Variants in PPM1L observed in about 807,000 individuals in gnomAD.
PPM1L encodes the protein protein phosphatase, Mg2+/Mn2+ dependent 1L.
In PPM1L, 13 loss-of-function variants were observed where a neutral mutation model predicts 31.4. The ratio of observed to expected loss-of-function variants is 0.41; its 90% CI spans 0.27 to 0.66. The LOEUF (loss-of-function observed/expected upper bound fraction) is 0.66. PPM1L is among the 30% of genes least tolerant of loss of function. PPM1L has a pLI of 0.29. For synonymous variants in PPM1L, 184 were observed against 175.4 expected, an observed-to-expected ratio of 1.05 and a Z score of -0.39; for missense variants, 326 against 453.7, an observed-to-expected ratio of 0.72 and a Z score of 2.56.
rs943563716 is a variant in PPM1L, at chr3:160,811,525, T to C, written c.399+54818T>C. 1.6e-4 allele frequency among the ~76,000 whole-genome samples: 24 copies of C among 152,234 alleles called. 1 individual carries two copies. Among genetic ancestry groups the C allele is most frequent in the Non-Finnish European group, 8.8e-5 (6 of 68,044 alleles). ...TATGTGACTCAAAAAGCCTAAAATATTCTCTATCTGGCTCTTTACAGAAAA... is the reference window on the plus strand; with the variant it reads ...TATGTGACTCAAAAAGCCTAAAATACTCTCTATCTGGCTCTTTACAGAAAA... On this transcript the variant is annotated intron_variant, in intron 1 of 3. Coordinates refer to ENST00000498165, the MANE Select transcript of PPM1L (RefSeq NM_139245.4).
chr3:160,787,869 T>A (rs913110392), intron 1 of PPM1L, among the ~76,000 whole-genome samples: 2 of 152,092 alleles, frequency 1.3e-5, no homozygotes, highest in African/African-American at 4.8e-5. Context: ...AATAGGAAAA[T>A]TGAATTTTCC....
chr3:161,034,330 TC>T (rs1718672292), intron 2 of PPM1L, among the ~76,000 whole-genome samples: 1 of 152,090 alleles, frequency 6.6e-6, no homozygotes, highest in Non-Finnish European at 1.5e-5. Context: ...GACCCAGCAA[TC>T]CCATTACTGT....
At chr3:160,809,832 G>A (rs1383712649) in intron 1 of PPM1L, among the ~76,000 whole-genome samples, 2 of 151,998 alleles carry the variant, frequency 1.3e-5, no homozygotes, top group South Asian at 2.1e-4. Flanking sequence ...GAAGCCTGGT[G>A]GAATGAAAAA....
At chr3:160,907,834 G>A (rs1028743786) in intron 1 of PPM1L, among the ~76,000 whole-genome samples, 1 of 152,130 alleles carries the variant, frequency 6.6e-6, no homozygotes, top group African/African-American at 2.4e-5. Context: ...GAATGCAGCC[G>A]CTGCTTGTGG....
intron 1 of PPM1L, among the ~76,000 whole-genome samples, chr3:160,938,323 G>A (rs892473849): frequency 9.9e-5 from 15 of 152,214 alleles, no homozygotes; most frequent in African/African-American, 3.4e-4. Flanking sequence ...AGAAACTTCC[G>A]TTTCAATGAT....
At chr3:160,797,882 G>A (rs374048747) in intron 1 of PPM1L, among the ~76,000 whole-genome samples, 1 of 152,162 alleles carries the variant, frequency 6.6e-6, no homozygotes, top group African/African-American at 2.4e-5. Flanking sequence ...TCTCTACAAC[G>A]TGAAAGTGCA....
chr3:160,851,127 A>T (rs1478575957), intron 1 of PPM1L, among the ~76,000 whole-genome samples: 2 of 152,302 alleles, frequency 1.3e-5, no homozygotes, highest in East Asian at 3.9e-4. Flanking sequence ...GTTAAATTTC[A>T]CTTACCTTAT....
chr3:160,881,571 G>A (rs151225196), intron 1 of PPM1L, among the ~76,000 whole-genome samples: 58 of 152,154 alleles, frequency 3.8e-4, no homozygotes, highest in African/African-American at 1.3e-3. Flanking sequence ...TCCAGTTTTC[G>A]TTATTTTAGC....
At chr3:161,027,920 T>C (rs947766462) in intron 2 of PPM1L, among the ~76,000 whole-genome samples, 3 of 152,182 alleles carry the variant, frequency 2.0e-5, no homozygotes, top group African/African-American at 7.2e-5. Flanking sequence ...ATGGCCTAGG[T>C]ACTGAACATT....
intron 2 of PPM1L, among the ~76,000 whole-genome samples, chr3:160,976,975 A>G (rs1288284431): frequency 6.6e-6 from 1 of 151,964 alleles, no homozygotes; most frequent in Non-Finnish European, 1.5e-5. Flanking sequence ...TAGGGTGTCA[A>G]TTTTGGATCT....
chr3:160,886,264 T>G (rs1712913144), intron 1 of PPM1L, among the ~76,000 whole-genome samples: 1 of 152,154 alleles, frequency 6.6e-6, no homozygotes, highest in Non-Finnish European at 1.5e-5. Context: ...CCAGCAGACT[T>G]AGGTTTTCTT....
chr3:160,914,975 C>T (rs953543533), intron 1 of PPM1L, among the ~76,000 whole-genome samples: 12 of 152,004 alleles, frequency 7.9e-5, no homozygotes, highest in African/African-American at 2.2e-4. Context: ...TTTTAATGAT[C>T]GCCATTCTAA....
At chr3:160,979,921 A>G (rs945313490) in intron 2 of PPM1L, among the ~76,000 whole-genome samples, 1 of 152,042 alleles carries the variant, frequency 6.6e-6, no homozygotes, top group Non-Finnish European at 1.5e-5. Flanking sequence ...ACAAGACCAG[A>G]CATCATGGAA....
At chr3:160,880,653 C>T (rs1006291640) in intron 1 of PPM1L, among the ~76,000 whole-genome samples, 6 of 151,924 alleles carry the variant, frequency 3.9e-5, no homozygotes, top group Non-Finnish European at 7.4e-5. Flanking sequence ...GTCAAGGAAT[C>T]CTTACTTAAA....
At chr3:160,801,166 C>G (rs1035392797) in intron 1 of PPM1L, among the ~76,000 whole-genome samples, 1 of 147,132 alleles carries the variant, frequency 6.8e-6, no homozygotes, top group African/African-American at 2.5e-5. Flanking sequence ...CACACACACA[C>G]GGGAATTTTT....
intron 1 of PPM1L, among the ~76,000 whole-genome samples, chr3:160,880,745 A>G (rs770939252): frequency 2.6e-5 from 4 of 152,108 alleles, no homozygotes; most frequent in Non-Finnish European, 5.9e-5. Context: ...CCAGCTTCTC[A>G]CCTGCCGAAA....
chr3:160,903,634 T>C (rs1288979131), intron 1 of PPM1L, among the ~76,000 whole-genome samples: 2 of 152,134 alleles, frequency 1.3e-5, no homozygotes, highest in Non-Finnish European at 2.9e-5. Flanking sequence ...TGGTATTTTC[T>C]ATTACTTCAA....
intron 1 of PPM1L, among the ~76,000 whole-genome samples, chr3:160,798,780 T>C (rs1327639595): frequency 6.6e-6 from 1 of 152,178 alleles, no homozygotes; most frequent in African/African-American, 2.4e-5. Flanking sequence ...ATTTAGGAAA[T>C]ACATTTTGTA....
chr3:160,998,587 T>G (rs1330436385), intron 2 of PPM1L, among the ~76,000 whole-genome samples: 1 of 152,118 alleles, frequency 6.6e-6, no homozygotes, highest in Non-Finnish European at 1.5e-5. Flanking sequence ...ACAGGCATCT[T>G]TGAAAAGATG....
Sources: allele counts gnomAD v4.1 joint callset (sites outside exome capture counted in the v4.1 genomes callset), GRCh38; gene constraint gnomAD v4.1.1; transcripts MANE v1.5; gene names NCBI Gene and HGNC (gene_info 2026-07-23, HGNC 2026-07-21).